RPRD1B: variants seen among roughly 807,000 people sequenced by gnomAD.
The protein encoded by RPRD1B is regulation of nuclear pre-mRNA domain-containing protein 1B.
RPRD1B carries 11 observed loss-of-function variants against 41.5 expected under a neutral mutation model. The observed-to-expected ratio is 0.27, with a 90% CI of 0.17 to 0.44. RPRD1B has a LOEUF of 0.44. RPRD1B is among the 20% of genes least tolerant of loss of function. The probability of loss-of-function intolerance (pLI) is 1.00; values close to 1 mark genes in which losing one functional copy is unlikely to be tolerated. For synonymous variants in RPRD1B, 158 were observed against 155.6 expected (o/e 1.02, Z -0.12); for missense variants, 248 against 389.9 (o/e 0.64, Z 3.06).
intron 2 of RPRD1B, among the ~76,000 whole-genome samples, chr20:38,046,732 C>G (rs2074125223): frequency 1.3e-5 from 2 of 151,956 alleles, no homozygotes; most frequent in Admixed American, 1.3e-4. Flanking sequence ...TGAGGCAGTG[C>G]TAGGGTAGCT....
Position 38,071,378 on chromosome 20 carries a change from CA to C in RPRD1B, c.831+5123del, listed in dbSNP as rs1183576247. 3.3e-5 allele frequency among the ~76,000 whole-genome samples: 5 copies of C among 152,338 alleles called. No individual in the cohort carries two copies. The East Asian group carries it at 7.7e-4, about 23-fold the overall frequency. On this transcript the variant is annotated intron_variant, in intron 6 of 6. Transcript: ENST00000373433. ...CATGTTGTAGCATATATCAGTACTT[CA>C]TCTCTTTTATGGTAGAACACTAATC...
chr20:38,055,411 T>C (rs926952523), intron 3 of RPRD1B, among the ~76,000 whole-genome samples: 2 of 152,214 alleles, frequency 1.3e-5, no homozygotes, highest in African/African-American at 4.8e-5. Flanking sequence ...TTTTATGCTT[T>C]CAGTATTGTA....
In RPRD1B at chr20:38,091,524, C is replaced by G; in HGVS notation, c.*1649C>G. ...ATGGACACTGCCTGTCGTTCTGTCACTGTTAAATTAATGAGTCTATAAGGT... is the reference window on the plus strand; with the variant it reads ...ATGGACACTGCCTGTCGTTCTGTCAGTGTTAAATTAATGAGTCTATAAGGT... On this transcript the variant is annotated 3_prime_UTR_variant, in exon 7 of 7. Transcript: ENST00000373433. The G allele has an allele frequency of 7.1e-6, 7 of 985,372 alleles. No individual in the cohort carries two copies. Among genetic ancestry groups the G allele is most frequent in the Non-Finnish European group, 8.4e-6 (7 of 829,912 alleles). The allele number at this position is 985,372 out of a possible 1,614,324, so 61.0% of individuals were successfully genotyped here.
intron 3 of RPRD1B, chr20:38,048,721 C>T: frequency 4.5e-6 from 2 of 447,630 alleles, no homozygotes; most frequent in Non-Finnish European, 2.9e-6. Flanking sequence ...CCTTGGCTTG[C>T]TTCTGTCTTT....
intron 6 of RPRD1B, chr20:38,070,520 A>G (rs1471678766): frequency 2.0e-6 from 2 of 985,336 alleles, no homozygotes; most frequent in Admixed American, 6.1e-5. Flanking sequence ...AGGTGACTAC[A>G]TTACTCCCAG....
chr20:38,060,224 A>T (rs145040461), intron 5 of RPRD1B, among the ~76,000 whole-genome samples: 3 of 152,330 alleles, frequency 2.0e-5, no homozygotes, highest in African/African-American at 7.2e-5. Context: ...TCACACAAGT[A>T]GTGGATCTTG....
intron 5 of RPRD1B, among the ~76,000 whole-genome samples, chr20:38,059,780 T>C (rs780456620): frequency 6.6e-6 from 1 of 152,304 alleles, no homozygotes; most frequent in Non-Finnish European, 1.5e-5. Flanking sequence ...ATAAGGTCTG[T>C]TAAAAACATA....
At chr20:38,081,920 G>A (rs993215089) in intron 6 of RPRD1B, among the ~76,000 whole-genome samples, 1 of 152,178 alleles carries the variant, frequency 6.6e-6, no homozygotes, top group African/African-American at 2.4e-5. Context: ...ACTTGATCAT[G>A]GTGGATTAGC....
At chr20:38,053,933 G>C (rs1268927688) in intron 3 of RPRD1B, among the ~76,000 whole-genome samples, 2 of 152,142 alleles carry the variant, frequency 1.3e-5, no homozygotes, top group Non-Finnish European at 2.9e-5. Flanking sequence ...AGTATCCCTA[G>C]ATTTTGATAT....
At chr20:38,085,145 G>A (rs967373143) in intron 6 of RPRD1B, among the ~76,000 whole-genome samples, 4 of 152,166 alleles carry the variant, frequency 2.6e-5, no homozygotes, top group Non-Finnish European at 4.4e-5. Flanking sequence ...GCATAAGATT[G>A]GTCGTGGAGG....
chr20:38,075,170 A>G (rs951678175), intron 6 of RPRD1B, among the ~76,000 whole-genome samples: 2 of 152,206 alleles, frequency 1.3e-5, no homozygotes, highest in African/African-American at 4.8e-5. Context: ...TTTTAAGTAT[A>G]CTGAAGGTCA....
intron 6 of RPRD1B, chr20:38,070,533 G>A (rs183870895): frequency 6.6e-4 from 652 of 985,464 alleles, no homozygotes; most frequent in Non-Finnish European, 7.7e-4. Flanking sequence ...ACTCCCAGAT[G>A]TCTGCTCAAA....
intron 6 of RPRD1B, among the ~76,000 whole-genome samples, chr20:38,087,590 T>A (rs565013438): frequency 2.0e-5 from 3 of 152,190 alleles, no homozygotes; most frequent in African/African-American, 7.2e-5. Context: ...GTTGTTTTGT[T>A]ATTTTACCCT....
chr20:38,067,266 G>A (rs1047520015), intron 6 of RPRD1B, among the ~76,000 whole-genome samples: 5 of 152,164 alleles, frequency 3.3e-5, no homozygotes, highest in Non-Finnish European at 4.4e-5. Context: ...TTGCTGCCCC[G>A]GGCTGCTGCA....
intron 6 of RPRD1B, among the ~76,000 whole-genome samples, chr20:38,075,585 C>T (rs892340680): frequency 5.5e-4 from 83 of 152,256 alleles, no homozygotes; most frequent in African/African-American, 2.0e-3. Flanking sequence ...TTAAGGTGGG[C>T]CTTCTACTCC....
At chr20:38,077,392 C>A (rs2122758239) in intron 6 of RPRD1B, among the ~76,000 whole-genome samples, 1 of 152,260 alleles carries the variant, frequency 6.6e-6, no homozygotes, top group East Asian at 1.9e-4. Context: ...CCTTCCTTCT[C>A]ACCTCTCCTT....
At position 38,048,357 on chromosome 20, in the gene RPRD1B, T is replaced by G; in HGVS notation, c.291T>G (p.Asp97Glu). 6.2e-7 allele frequency: 1 copy of G among 1,613,422 alleles called. No homozygotes were observed. The highest frequency in any genetic ancestry group is 8.5e-7 in the Non-Finnish European group (1 of 1,179,466). The change falls in exon 3 of 7, where the codon GAT becomes GAG. Residue 97 changes from aspartate to glutamate, a missense_variant. By Grantham distance (45) the Asp-to-Glu change is conservative. This residue lies in a region of RPRD1B where 47 missense variants were observed against 103.6 expected (regional missense o/e 0.45). Transcript: ENST00000373433. ...DAFSHVAREA[D>E]EGCKKPLERL... ...CATCTTTTCTGGGCAGAGAGGCAGA[T>G]GAAGGCTGTAAAAAACCTTTAGAAA...
chr20:38,090,861 C>G lies in RPRD1B; in HGVS notation c.*986C>G. On this transcript the variant is annotated 3_prime_UTR_variant, in exon 7 of 7. Transcript: ENST00000373433. ...CAGTACGGTGGCTAAACTCGAACAT[C>G]ACTGCAAATAGGACGCTGAGCAGGT... The G allele has an allele frequency of 1.0e-6, 1 of 985,460 alleles. No individual in the cohort carries two copies. The highest frequency in any genetic ancestry group is 1.2e-6 in the Non-Finnish European group (1 of 829,952). 61.0% of individuals were successfully genotyped at this position (985,460 alleles called of 1,614,324 possible). A position where few individuals can be genotyped will look rare whatever the true frequency, so the allele number is the denominator to read the frequency against.
In RPRD1B at chr20:38,090,116, A is replaced by C. The variant is rs1275748273; in HGVS notation, c.*241A>C. ...GCAAAGACTACAGACTTTTTCTCCC[A>C]CTTCATATTTTCATGCCCCCCTGTT... On this transcript the variant is annotated 3_prime_UTR_variant, in exon 7 of 7. Coordinates refer to ENST00000373433, the MANE Select transcript of RPRD1B (RefSeq NM_021215.4). 8.2e-7 allele frequency: 1 copy of C among 1,216,948 alleles called. No individual in the cohort carries two copies. Among genetic ancestry groups the C allele is most frequent in the Non-Finnish European group, 1.0e-6 (1 of 974,814 alleles). The allele number at this position is 1,216,948 out of a possible 1,614,324, so 75.4% of individuals were successfully genotyped here.
Sources: gnomAD v4.1 joint callset for allele counts (sites outside exome capture counted in the v4.1 genomes callset) on GRCh38, gnomAD v4.1.1 for gene constraint, gnomAD v4.1.1 regional missense constraint, MANE v1.5 for transcripts, NCBI Gene and HGNC (gene_info 2026-07-23, HGNC 2026-07-21) for gene names.